The following PCDHA6 variants were observed in gnomAD, a reference collection of about 807,000 sequenced individuals.
PCDHA6 encodes protocadherin alpha 6, also known as protocadherin alpha-6.
In PCDHA6, 55 loss-of-function variants were observed where a neutral mutation model predicts 60.3. The ratio of observed to expected loss-of-function variants is 0.91; its 90% CI spans 0.73 to 1.14. The LOEUF (loss-of-function observed/expected upper bound fraction) is 1.14, where lower values mean the gene tolerates loss of function less well. Among genes scored for constraint, PCDHA6 ranks in the 50% most tolerant of loss-of-function variants. The probability of loss-of-function intolerance (pLI) is 0.00; values close to 1 mark genes in which losing one functional copy is unlikely to be tolerated. For synonymous variants in PCDHA6, 652 were observed against 557.9 expected, an observed-to-expected ratio of 1.17 and a Z score of -2.38; for missense variants, 1,327 against 1,256.5, an observed-to-expected ratio of 1.06 and a Z score of -0.85.
intron 1 of PCDHA6, chr5:140,857,309 G>A: frequency 6.3e-7 from 1 of 1,598,786 alleles, no homozygotes; most frequent in East Asian, 2.2e-5. Flanking sequence ...GTCGGCCTAT[G>A]AGCTGGTGGT....
chr5:140,909,234 A>G (rs782659410), intron 1 of PCDHA6, among the ~76,000 whole-genome samples: 12 of 152,220 alleles, frequency 7.9e-5, no homozygotes, highest in Non-Finnish European at 1.3e-4. Context: ...GTAGGATGGT[A>G]AAGATATATT....
At chr5:140,928,344 G>T (rs1554205800) in intron 1 of PCDHA6, 2 of 1,614,168 alleles carry the variant, frequency 1.2e-6, no homozygotes, top group East Asian at 2.2e-5. Flanking sequence ...CTTATGAGCT[G>T]TTGGATGTTA....
rs1554262965 is a variant in PCDHA6 at position 141,010,497 on chromosome 5, T to A, written c.*560T>A. Reference sequence around the variant, plus strand: ...AAGTGTAAACTTAAAGGGACCAGACTTTCTAAATCTTACAACTCAAGAGGT... The same window carrying A: ...AAGTGTAAACTTAAAGGGACCAGACATTCTAAATCTTACAACTCAAGAGGT... On this transcript the variant is annotated 3_prime_UTR_variant, in exon 4 of 4. Coordinates refer to ENST00000529310, the MANE Select transcript of PCDHA6 (RefSeq NM_018909.4). The A allele has an allele frequency of 1.7e-6, 1 of 584,358 alleles. No homozygotes were observed. Among genetic ancestry groups the A allele is most frequent in the African/African-American group, 1.9e-5 (1 of 53,100 alleles). 36.2% of individuals were successfully genotyped at this position (584,358 alleles called of 1,614,324 possible).
In PCDHA6 at chr5:140,850,201, G is replaced by A. The variant is rs202136378; in HGVS notation, c.2394+19716G>A. The A allele has an allele frequency of 1.6e-5, 25 of 1,593,494 alleles. 3 individuals carry two copies. Among genetic ancestry groups the A allele is most frequent in the Middle Eastern group, 2.1e-4 (1 of 4,666 alleles). On this transcript the variant is annotated intron_variant, in intron 1 of 3. Coordinates refer to ENST00000529310, the MANE Select transcript of PCDHA6 (RefSeq NM_018909.4). ...AATGCGCCGGCGCTGCTGACACCTC[G>A]GATGAGGGGCACTGACGGCGCAGTG...
chr5:140,924,704 G>A (rs6883852), intron 1 of PCDHA6, among the ~76,000 whole-genome samples: 1 of 152,052 alleles, frequency 6.6e-6, no homozygotes, highest in Non-Finnish European at 1.5e-5. Flanking sequence ...AGACCAGCTT[G>A]TGCAACATGG....
At chr5:140,967,552 T>C (rs782453868) in intron 1 of PCDHA6, 2 of 1,613,908 alleles carry the variant, frequency 1.2e-6, no homozygotes, top group Non-Finnish European at 1.7e-6. Context: ...AGTCCACTTA[T>C]CGCGTCCAGC....
chr5:140,971,032 G>A (rs540815935), intron 1 of PCDHA6, among the ~76,000 whole-genome samples: 4 of 152,302 alleles, frequency 2.6e-5, no homozygotes, highest in African/African-American at 7.2e-5. Context: ...GCATTTGAAA[G>A]CACGTAAAAG....
At position 140,849,922 on chromosome 5, in the gene PCDHA6, C is replaced by A. The variant is rs140735832; in HGVS notation, c.2394+19437C>A. The stretch of plus-strand genomic sequence containing the variant: ...AACCCGCCGGGCTGCCACATCTTCA[C>A]GGTGTCTGCGCGGGACGCTGACGCG... On this transcript the variant is annotated intron_variant, in intron 1 of 3. Transcript: ENST00000529310. 10 of 1,598,214 alleles carry A rather than the reference C, an allele frequency of 6.3e-6. 1 individual carries two copies. In the South Asian group the frequency reaches 9.9e-5, roughly 16 times the overall value.
chr5:140,884,403 T>A, intron 1 of PCDHA6: 1 of 1,613,992 alleles, frequency 6.2e-7, no homozygotes, highest in Middle Eastern at 1.6e-4. Context: ...AGCCTGTTGG[T>A]GCTCACGTTG....
At chr5:140,852,978 A>T in intron 1 of PCDHA6, 1 of 358,934 alleles carries the variant, frequency 2.8e-6, no homozygotes, top group Non-Finnish European at 4.1e-6. Flanking sequence ...TCCCGTGTTC[A>T]CGCCATTCTC....
intron 1 of PCDHA6, among the ~76,000 whole-genome samples, chr5:140,838,075 ATAGTGTGTGTGT>A (rs1392208969): frequency 0.058 from 7,390 of 128,196 alleles, 326 homozygotes; most frequent in Middle Eastern, 0.092. Flanking sequence ...TTATATATAT[ATAGTGTGTGTGT>A]GTGTGTGTGT....
chr5:140,905,826 T>C (rs782149349), intron 1 of PCDHA6, among the ~76,000 whole-genome samples: 8 of 152,170 alleles, frequency 5.3e-5, no homozygotes, highest in Non-Finnish European at 7.3e-5. Flanking sequence ...TAGATGTGTA[T>C]ATAAAGGGGA....
intron 1 of PCDHA6, chr5:140,876,671 C>T (rs782473628): frequency 3.1e-6 from 5 of 1,614,212 alleles, no homozygotes; most frequent in Non-Finnish European, 2.5e-6. Flanking sequence ...CTGGTGTCCA[C>T]CTACAAGAAT....
At chr5:140,927,854 C>T (rs1047804872) in intron 1 of PCDHA6, 1 of 1,614,222 alleles carries the variant, frequency 6.2e-7, no homozygotes, top group South Asian at 1.1e-5. Flanking sequence ...TTTGGTTTAG[C>T]TAGCACCGCT....
chr5:140,844,321 A>T lies in PCDHA6; in HGVS notation c.2394+13836A>T, dbSNP rs1407685280. Reference sequence around the variant, plus strand: ...TAGTTTTCATATTCTTCCTAATTTTATTATAAACTAGTTAAAAAGTAAAAT... The same window carrying T: ...TAGTTTTCATATTCTTCCTAATTTTTTTATAAACTAGTTAAAAAGTAAAAT... On this transcript the variant is annotated intron_variant, in intron 1 of 3. Coordinates refer to ENST00000529310, the MANE Select transcript of PCDHA6 (RefSeq NM_018909.4). Among the ~76,000 whole-genome samples the T allele has an allele frequency of 6.0e-5, 9 of 149,650 alleles. 1 individual carries two copies. Among genetic ancestry groups the T allele is most frequent in the African/African-American group, 2.2e-4 (9 of 41,032 alleles).
intron 1 of PCDHA6, among the ~76,000 whole-genome samples, chr5:140,917,523 G>A (rs1201312809): frequency 2.0e-5 from 3 of 152,182 alleles, no homozygotes; most frequent in Non-Finnish European, 4.4e-5. Context: ...TTATTCTACG[G>A]TTTGTATAGT....
At chr5:140,933,003 G>A (rs1466484630) in intron 1 of PCDHA6, among the ~76,000 whole-genome samples, 5 of 151,902 alleles carry the variant, frequency 3.3e-5, no homozygotes, top group East Asian at 1.9e-4. Flanking sequence ...TATGAATATC[G>A]GAAATATTAA....
chr5:140,883,313 G>T, intron 1 of PCDHA6: 1 of 1,614,118 alleles, frequency 6.2e-7, no homozygotes, highest in Non-Finnish European at 8.5e-7. Context: ...TAACGCCCCA[G>T]AGGTTACCAT....
intron 1 of PCDHA6, among the ~76,000 whole-genome samples, chr5:140,961,312 A>G (rs2095603612): frequency 6.6e-6 from 1 of 152,156 alleles, no homozygotes; most frequent in Non-Finnish European, 1.5e-5. Context: ...ATGATTTACC[A>G]GGCTCTGTTT....
Sources: gnomAD v4.1 joint callset for allele counts (sites outside exome capture counted in the v4.1 genomes callset) on GRCh38, gnomAD v4.1.1 for gene constraint, MANE v1.5 for transcripts, NCBI Gene and HGNC (gene_info 2026-07-23, HGNC 2026-07-21) for gene names.